C12orf75: variants seen among roughly 807,000 people sequenced by gnomAD.
C12orf75 encodes overexpressed in colon carcinoma 1 protein.
Under a neutral mutation model 11.4 loss-of-function variants are expected in C12orf75, and 4 were observed. The observed-to-expected ratio is 0.35, with a 90% CI of 0.17 to 0.80. The LOEUF (loss-of-function observed/expected upper bound fraction) is 0.80. Ranked by LOEUF, C12orf75 falls within the 30% of genes least tolerant of loss-of-function variation. The probability of loss-of-function intolerance (pLI) is 0.52; values close to 1 mark genes in which losing one functional copy is unlikely to be tolerated. For missense variants in C12orf75, 89 were observed against 80.4 expected (o/e 1.11, Z -0.41); for synonymous variants, 30 against 30.0 (o/e 1.00, Z 0.00).
At chr12:105,359,695 C>T (rs1052314383) in intron 2 of C12orf75, among the ~76,000 whole-genome samples, 1 of 149,746 alleles carries the variant, frequency 6.7e-6, no homozygotes, top group Non-Finnish European at 1.5e-5. Context: ...CGTTTGAACC[C>T]AGGAGGCAGA....
intron 2 of C12orf75, among the ~76,000 whole-genome samples, chr12:105,350,907 ACTT>A (rs1011663995): frequency 6.6e-6 from 1 of 152,170 alleles, no homozygotes; most frequent in African/African-American, 2.4e-5. Flanking sequence ...CCATTTAACT[ACTT>A]AACTATTTCA....
intron 2 of C12orf75, among the ~76,000 whole-genome samples, chr12:105,359,356 A>G (rs1159808687): frequency 2.6e-5 from 4 of 151,862 alleles, no homozygotes; most frequent in African/African-American, 9.7e-5. Flanking sequence ...ATTAAGGGGT[A>G]CTCTTGTTGC....
intron 2 of C12orf75, among the ~76,000 whole-genome samples, chr12:105,361,201 T>G (rs1892861230): frequency 1.3e-5 from 2 of 152,174 alleles, no homozygotes; most frequent in Non-Finnish European, 2.9e-5. Context: ...GCTACTTTTA[T>G]TTTATTTTCT....
intron 1 of C12orf75, among the ~76,000 whole-genome samples, chr12:105,340,437 A>C (rs1207936201): frequency 2.0e-5 from 3 of 151,712 alleles, no homozygotes; most frequent in Non-Finnish European, 1.5e-5. Context: ...CGCCAAAAAA[A>C]AAAAAAAAAA....
At chr12:105,340,573 G>A (rs373531928) in intron 1 of C12orf75, among the ~76,000 whole-genome samples, 5 of 151,952 alleles carry the variant, frequency 3.3e-5, no homozygotes, top group African/African-American at 1.2e-4. Flanking sequence ...ATTTTGCTCT[G>A]TATTTTAAAA....
At chr12:105,353,241 G>A (rs995839415) in intron 2 of C12orf75, among the ~76,000 whole-genome samples, 1 of 152,230 alleles carries the variant, frequency 6.6e-6, no homozygotes, top group Non-Finnish European at 1.5e-5. Context: ...CTCTGCTTTC[G>A]TCTTCATTCT....
At position 105,371,063 on chromosome 12, in the gene C12orf75, C is replaced by G. The variant is rs1187946119; in HGVS notation, c.*463C>G. On this transcript the variant is annotated 3_prime_UTR_variant, in exon 6 of 6. Transcript: ENST00000443585. ...TAATGACCTAAAATAATATATTTGT[C>G]TGTTATCTTTTGCTATTTCTACTTC... 1 of 153,780 alleles carries G rather than the reference C, an allele frequency of 6.5e-6. No individual in the cohort carries two copies. Among genetic ancestry groups the G allele is most frequent in the Admixed American group, 6.4e-5 (1 of 15,588 alleles). 9.5% of individuals were successfully genotyped at this position (153,780 alleles called of 1,614,324 possible).
At chr12:105,359,773 GAAA>G (rs34188320) in intron 2 of C12orf75, among the ~76,000 whole-genome samples, 2 of 83,236 alleles carry the variant, frequency 2.4e-5, no homozygotes. Context: ...TCCTTCTCCA[GAAA>G]AAAAAAAAAA....
At chr12:105,369,661 C>T (rs1163515447) in intron 5 of C12orf75, among the ~76,000 whole-genome samples, 1 of 152,162 alleles carries the variant, frequency 6.6e-6, no homozygotes, top group Admixed American at 6.5e-5. Context: ...TCCCTGTGTC[C>T]ATGTATTCTC....
chr12:105,337,634 A>G (rs1242091922), intron 1 of C12orf75, among the ~76,000 whole-genome samples: 1 of 152,160 alleles, frequency 6.6e-6, no homozygotes, highest in African/African-American at 2.4e-5. Flanking sequence ...TCTGAAAACT[A>G]TGTCAAAGGC....
At chr12:105,367,215 C>T (rs1393837525) in intron 4 of C12orf75, among the ~76,000 whole-genome samples, 1 of 152,126 alleles carries the variant, frequency 6.6e-6, no homozygotes, top group Non-Finnish European at 1.5e-5. Context: ...TCATGGTAAA[C>T]AATGCTGATT....
chr12:105,336,298 T>A (rs1892498668), intron 1 of C12orf75, among the ~76,000 whole-genome samples: 1 of 152,214 alleles, frequency 6.6e-6, no homozygotes, highest in Admixed American at 6.5e-5. Context: ...GCTCTGCAGC[T>A]AAAAAGGCCA....
chr12:105,357,681 A>G (rs1167644241), intron 2 of C12orf75, among the ~76,000 whole-genome samples: 1 of 152,078 alleles, frequency 6.6e-6, no homozygotes, highest in African/African-American at 2.4e-5. Flanking sequence ...ACCTCGACTC[A>G]TTCTTTCTCC....
At position 105,358,790 on chromosome 12, in the gene C12orf75, A is replaced by G. The variant is rs546744943; in HGVS notation, c.72-7017A>G. On this transcript the variant is annotated intron_variant, in intron 2 of 5. Coordinates refer to ENST00000443585, the MANE Select transcript of C12orf75 (RefSeq NM_001145199.2). ...TTCTTTAGAGTAGTGGCTCGTGTGC[A>G]ACTAGAAAATGGAATCACTGCTCAG... Among the ~76,000 whole-genome samples, 654 of 152,294 alleles carry G rather than the reference A, an allele frequency of 4.3e-3. 4 individuals are homozygous for G. Among genetic ancestry groups the G allele is most frequent in the Non-Finnish European group, 6.8e-3 (464 of 68,018 alleles).
chr12:105,348,908 T>TC (rs1365441212), intron 2 of C12orf75, among the ~76,000 whole-genome samples: 1 of 152,176 alleles, frequency 6.6e-6, no homozygotes, highest in Admixed American at 6.5e-5. Flanking sequence ...AGAGATTTTT[T>TC]TTTTCTTTTA....
chr12:105,370,654 G>T lies in C12orf75; in HGVS notation c.*54G>T, dbSNP rs1321641376. 4.4e-6 allele frequency: 2 copies of T among 457,436 alleles called. No individual in the cohort carries two copies. The highest frequency in any genetic ancestry group is 8.8e-6 in the Non-Finnish European group (2 of 226,808). The allele number at this position is 457,436 out of a possible 1,614,324, so 28.3% of individuals were successfully genotyped here. ...CTTAGCTTGCTCATCAGTTTGGAAG[G>T]AATTTGGCTCCGTGGGACGTTGTAA... is the stretch of plus-strand genomic sequence containing the variant. On this transcript the variant is annotated 3_prime_UTR_variant, in exon 6 of 6. Transcript: ENST00000443585.
intron 2 of C12orf75, among the ~76,000 whole-genome samples, chr12:105,349,423 T>G (rs781582489): frequency 5.3e-5 from 8 of 152,150 alleles, no homozygotes; most frequent in Non-Finnish European, 7.4e-5. Flanking sequence ...CTAGTTTTTA[T>G]TTTGGTTGGA....
intron 1 of C12orf75, among the ~76,000 whole-genome samples, chr12:105,334,431 C>T (rs1257557795): frequency 1.3e-5 from 2 of 152,180 alleles, no homozygotes; most frequent in Non-Finnish European, 2.9e-5. Flanking sequence ...TCAGAGAAGT[C>T]CTCCTGGAGG....
At chr12:105,351,558 A>G (rs1400462119) in intron 2 of C12orf75, among the ~76,000 whole-genome samples, 2 of 152,218 alleles carry the variant, frequency 1.3e-5, no homozygotes, top group South Asian at 4.1e-4. Flanking sequence ...AGGGACCAAA[A>G]TACAGTGTGG....
Sources: gnomAD v4.1 joint callset for allele counts (sites outside exome capture counted in the v4.1 genomes callset) on GRCh38, gnomAD v4.1.1 for gene constraint, MANE v1.5 for transcripts, NCBI Gene and HGNC (gene_info 2026-07-23, HGNC 2026-07-21) for gene names.